The following HIBADH variants were observed in gnomAD, a reference collection of about 807,000 sequenced individuals.
The protein encoded by HIBADH is 3-hydroxyisobutyrate dehydrogenase, mitochondrial.
HIBADH carries 25 observed loss-of-function variants against 36.1 expected under a neutral mutation model. The ratio of observed to expected loss-of-function variants is 0.69; its 90% confidence interval spans 0.50 to 0.97. The LOEUF (loss-of-function observed/expected upper bound fraction) is 0.97. Among genes scored for constraint, HIBADH ranks in the 50% least tolerant of loss-of-function variants. The pLI, the probability that HIBADH is intolerant of heterozygous loss-of-function variation, is 0.00. For missense variants in HIBADH, 421 were observed against 418.0 expected (o/e 1.01, Z -0.06); for synonymous variants, 160 against 149.5 (o/e 1.07, Z -0.51).
At chr7:27,662,450 A>C (rs1203216268) in intron 1 of HIBADH, among the ~76,000 whole-genome samples, 1 of 152,088 alleles carries the variant, frequency 6.6e-6, no homozygotes, top group Non-Finnish European at 1.5e-5. Flanking sequence ...ACCTCTTCCT[A>C]AATCCCGAAA....
chr7:27,646,538 TG>T (rs375028718), intron 2 of HIBADH, among the ~76,000 whole-genome samples: 9 of 151,776 alleles, frequency 5.9e-5, no homozygotes, highest in South Asian at 2.1e-4. Flanking sequence ...TTTTCTGGTT[TG>T]TTTTTTTTTC....
chr7:27,556,390 TTTAAC>T (rs1201194696), intron 4 of HIBADH, among the ~76,000 whole-genome samples: 1 of 152,216 alleles, frequency 6.6e-6, no homozygotes, highest in Non-Finnish European at 1.5e-5. Flanking sequence ...GTTGTTGCCT[TTTAAC>T]TTTTCTTTTT....
At chr7:27,611,333 GC>G (rs1785317561) in intron 4 of HIBADH, among the ~76,000 whole-genome samples, 1 of 152,168 alleles carries the variant, frequency 6.6e-6, no homozygotes, top group Non-Finnish European at 1.5e-5. Flanking sequence ...TTCAAGCACA[GC>G]TATAATGATG....
At chr7:27,535,115 T>C (rs1784054657) in intron 6 of HIBADH, among the ~76,000 whole-genome samples, 1 of 150,846 alleles carries the variant, frequency 6.6e-6, no homozygotes, top group Non-Finnish European at 1.5e-5. Context: ...AGTGAATGAT[T>C]TGGATTGACA....
At chr7:27,582,404 A>G (rs1036017701) in intron 4 of HIBADH, among the ~76,000 whole-genome samples, 1 of 152,164 alleles carries the variant, frequency 6.6e-6, no homozygotes, top group Admixed American at 6.6e-5. Flanking sequence ...GTAAATATAC[A>G]TATTACCTTG....
chr7:27,528,920 T>C (rs1783953265), intron 7 of HIBADH, among the ~76,000 whole-genome samples: 1 of 152,234 alleles, frequency 6.6e-6, no homozygotes, highest in Non-Finnish European at 1.5e-5. Context: ...TAAGGGCCAG[T>C]GCAGCTGGGG....
At chr7:27,543,650 T>C (rs912040865) in intron 4 of HIBADH, among the ~76,000 whole-genome samples, 13 of 152,202 alleles carry the variant, frequency 8.5e-5, no homozygotes, top group African/African-American at 1.4e-4. Flanking sequence ...ATTCTTTTTT[T>C]AAGGCAAGGA....
chr7:27,613,171 A>ATT (rs1418563685), intron 4 of HIBADH, among the ~76,000 whole-genome samples: 2 of 8,182 alleles, frequency 2.4e-4, no homozygotes, highest in Non-Finnish European at 3.6e-4. Flanking sequence ...ATATATTTAT[A>ATT]TAAATATATT....
In HIBADH at chr7:27,549,901, C is replaced by A. The variant is rs569361739; in HGVS notation, c.485-6801G>T. The stretch of plus-strand genomic sequence containing the variant: ...GAAAACATTATTCACTATTACTTAG[C>A]ATTTCTTTTCTTTTCTTTTCTTTTT... On this transcript the variant is annotated intron_variant, in intron 4 of 7. Coordinates refer to ENST00000265395, the MANE Select transcript of HIBADH (RefSeq NM_152740.4). Among the ~76,000 whole-genome samples the A allele has an allele frequency of 8.5e-5, 13 of 152,124 alleles. No homozygotes were observed. The South Asian group carries it at 2.7e-3, about 32-fold the overall frequency.
intron 4 of HIBADH, among the ~76,000 whole-genome samples, chr7:27,614,662 T>C (rs1785395722): frequency 6.6e-6 from 1 of 152,222 alleles, no homozygotes; most frequent in Admixed American, 6.5e-5. Context: ...AATCCTCTCA[T>C]CCCTTTGCTT....
chr7:27,659,533 G>A (rs1786374649), intron 1 of HIBADH, among the ~76,000 whole-genome samples: 2 of 151,722 alleles, frequency 1.3e-5, no homozygotes, highest in African/African-American at 2.4e-5. Context: ...TGGGCAACAT[G>A]GTGAGACCCC....
intron 1 of HIBADH, among the ~76,000 whole-genome samples, chr7:27,651,933 A>G (rs931699856): frequency 2.6e-5 from 4 of 152,172 alleles, no homozygotes; most frequent in Admixed American, 2.6e-4. Flanking sequence ...AAGGGGTAGG[A>G]TTTCAAATGG....
intron 4 of HIBADH, among the ~76,000 whole-genome samples, chr7:27,612,130 C>T (rs1261991470): frequency 6.6e-6 from 1 of 152,028 alleles, no homozygotes; most frequent in Non-Finnish European, 1.5e-5. Context: ...TTTGTATGAA[C>T]TGGAAAATAA....
chr7:27,591,499 C>T (rs1784939374), intron 4 of HIBADH, among the ~76,000 whole-genome samples: 1 of 151,434 alleles, frequency 6.6e-6, no homozygotes, highest in African/African-American at 2.4e-5. Flanking sequence ...TGCAGTGAGC[C>T]GAAATCACAC....
chr7:27,630,449 C>CA (rs1356760220), intron 3 of HIBADH, among the ~76,000 whole-genome samples: 2 of 152,022 alleles, frequency 1.3e-5, no homozygotes, highest in Non-Finnish European at 2.9e-5. Context: ...CCAAACTTTC[C>CA]AAAGTTCTTA....
intron 4 of HIBADH, among the ~76,000 whole-genome samples, chr7:27,569,164 T>C (rs1048829273): frequency 5.3e-5 from 8 of 152,216 alleles, no homozygotes; most frequent in Non-Finnish European, 1.0e-4. Context: ...TTTCTAATTA[T>C]TGTATTTTCC....
intron 4 of HIBADH, among the ~76,000 whole-genome samples, chr7:27,546,263 T>G: frequency 6.6e-6 from 1 of 152,068 alleles, no homozygotes; most frequent in East Asian, 1.9e-4. Context: ...CCACTGTGCC[T>G]GGCTATTTGT....
Position 27,638,308 on chromosome 7 carries a change from C to CAAAAAAA in HIBADH, c.253-5870_253-5864dup, listed in dbSNP as rs368715218. Among the ~76,000 whole-genome samples, 258 of 55,354 alleles carry CAAAAAAA rather than the reference C, an allele frequency of 4.7e-3. 3 individuals are homozygous for CAAAAAAA. Among genetic ancestry groups the CAAAAAAA allele is most frequent in the East Asian group, 0.017 (27 of 1,622 alleles). The allele number at this position is 55,354 out of a possible 152,430, so 36.3% of individuals were successfully genotyped here. ...ATACCCATCTGATCTTTGGCAAAGT[C>CAAAAAAA]AAAAAAAAAAAAAAAAAAAAAACAA... On this transcript the variant is annotated intron_variant, in intron 2 of 7. Transcript: ENST00000265395.
intron 4 of HIBADH, among the ~76,000 whole-genome samples, chr7:27,619,836 T>A (rs138579393): frequency 4.0e-4 from 61 of 152,256 alleles, no homozygotes; most frequent in South Asian, 6.2e-4. Context: ...TGACCAAATA[T>A]ACAAATCATC....
Sources: gnomAD v4.1 joint callset for allele counts (sites outside exome capture counted in the v4.1 genomes callset) on GRCh38, gnomAD v4.1.1 for gene constraint, MANE v1.5 for transcripts, NCBI Gene and HGNC (gene_info 2026-07-23, HGNC 2026-07-21) for gene names.